HDAC4: variants seen among roughly 807,000 people sequenced by gnomAD.
HDAC4 encodes the protein histone deacetylase A.
Under a neutral mutation model 135.1 loss-of-function variants are expected in HDAC4, and 16 were observed. That is an observed-to-expected ratio of 0.12 (90% CI 0.08 to 0.18). The LOEUF is 0.18. Among genes scored for constraint, HDAC4 ranks in the 10% least tolerant of loss-of-function variants. The pLI, the probability that HDAC4 is intolerant of heterozygous loss-of-function variation, is 1.00. For missense variants in HDAC4, 1,143 were observed against 1,511.8 expected (o/e 0.76, Z 4.05); for synonymous variants, 685 against 653.4 (o/e 1.05, Z -0.74).
intron 3 of HDAC4, among the ~76,000 whole-genome samples, chr2:239,211,337 G>A (rs1261625392): frequency 6.6e-6 from 1 of 152,106 alleles, no homozygotes; most frequent in African/African-American, 2.4e-5. Flanking sequence ...GGAAAGAATT[G>A]GGCTCTGCCC....
intron 2 of HDAC4, among the ~76,000 whole-genome samples, chr2:239,269,639 G>A (rs1406751741): frequency 6.6e-6 from 1 of 152,214 alleles, no homozygotes; most frequent in Non-Finnish European, 1.5e-5. Flanking sequence ...CTGCGAGCCC[G>A]TGCGCTTTCC....
chr2:239,055,987 C>T (rs1016615254), intron 24 of HDAC4, among the ~76,000 whole-genome samples: 1 of 152,180 alleles, frequency 6.6e-6, no homozygotes, highest in South Asian at 2.1e-4. Context: ...TGGGAAGGAG[C>T]GTTTGGGTTT....
At chr2:239,214,749 A>T (rs1193075106) in intron 3 of HDAC4, among the ~76,000 whole-genome samples, 1 of 152,250 alleles carries the variant, frequency 6.6e-6, no homozygotes, top group Non-Finnish European at 1.5e-5. Flanking sequence ...TAGTAGATTT[A>T]CCAAGATTTT....
chr2:239,066,695 C>A, intron 24 of HDAC4, 27 bp downstream of exon 24: 1 of 1,613,202 alleles, frequency 6.2e-7, no homozygotes, highest in Non-Finnish European at 8.5e-7. Context: ...TGTGGAGCAT[C>A]CTGTGGGGTC....
intron 2 of HDAC4, among the ~76,000 whole-genome samples, chr2:239,289,181 GA>G (rs1450346832): frequency 6.6e-6 from 1 of 152,162 alleles, no homozygotes; most frequent in Non-Finnish European, 1.5e-5. Flanking sequence ...AAAAGAAAAT[GA>G]AACTGATCCC....
chr2:239,171,778 AG>A (rs1472073672), intron 5 of HDAC4, among the ~76,000 whole-genome samples: 17 of 152,356 alleles, frequency 1.1e-4, no homozygotes, highest in African/African-American at 4.1e-4. Flanking sequence ...TTTCCAAAGA[AG>A]GAACAATAGG....
intron 15 of HDAC4, 100 bp from the exon 16 acceptor site, chr2:239,102,996 C>T: frequency 6.9e-7 from 1 of 1,439,580 alleles, no homozygotes; most frequent in Non-Finnish European, 9.7e-7. Flanking sequence ...CAAAAGGAAA[C>T]TTAATTTGAT....
chr2:239,264,742 C>A (rs894507371), intron 2 of HDAC4, among the ~76,000 whole-genome samples: 2 of 152,206 alleles, frequency 1.3e-5, no homozygotes, highest in African/African-American at 4.8e-5. Context: ...TGGGGGGAGG[C>A]TCTTCTGAAA....
At position 239,400,796 on chromosome 2, in the gene HDAC4, G is replaced by A. The variant is rs957862101; in HGVS notation, c.-220+182C>T. On this transcript the variant is annotated intron_variant, in intron 1 of 26. Coordinates refer to ENST00000543185, the MANE Select transcript of HDAC4 (RefSeq NM_001378414.1). The surrounding 1 kb of genome is among the most constrained non-coding windows in gnomAD (Gnocchi z 4.7). ...CGGCGCGCGGGCTCGGGCTCGGGCG[G>A]CGACAGCCGGGACGCGGCCACGGCG... 4 of 145,810 alleles carry A rather than the reference G, an allele frequency of 2.7e-5. No individual in the cohort carries two copies. The highest frequency in any genetic ancestry group is 3.3e-3 in the Middle Eastern group (1 of 302). The allele number at this position is 145,810 out of a possible 1,614,324, so 9.0% of individuals were successfully genotyped here. A position where few individuals can be genotyped will look rare whatever the true frequency, so the allele number is the denominator to read the frequency against.
At chr2:239,176,642 C>A in intron 4 of HDAC4, 79 bp from the exon 5 acceptor site, 1 of 1,359,472 alleles carries the variant, frequency 7.4e-7, no homozygotes, top group Non-Finnish European at 1.0e-6. Context: ...ACCCAAGAAA[C>A]CAGCCCAGGC....
At chr2:239,111,308 C>T (rs569124748) in intron 14 of HDAC4, among the ~76,000 whole-genome samples, 6 of 152,330 alleles carry the variant, frequency 3.9e-5, no homozygotes, top group Non-Finnish European at 5.9e-5. Context: ...CAAGTGAGCC[C>T]GTGACAGGTC....
chr2:239,194,866 G>A (rs778288572), intron 3 of HDAC4, among the ~76,000 whole-genome samples: 1 of 152,230 alleles, frequency 6.6e-6, no homozygotes, highest in African/African-American at 2.4e-5. Context: ...TTTAGCGCAT[G>A]CTGGAAGGTG....
chr2:239,374,467 G>A (rs1446981237), intron 1 of HDAC4, among the ~76,000 whole-genome samples: 1 of 129,404 alleles, frequency 7.7e-6, no homozygotes, highest in African/African-American at 3.0e-5. Flanking sequence ...GCAGTGGCGG[G>A]ATCTCGGCTC....
intron 2 of HDAC4, among the ~76,000 whole-genome samples, chr2:239,280,254 G>A (rs2050626497): frequency 1.3e-5 from 2 of 152,204 alleles, no homozygotes; most frequent in South Asian, 4.1e-4. Flanking sequence ...TGGGGGCAAA[G>A]CTGATGTGCG....
At chr2:239,093,812 G>A (rs981174722) in intron 17 of HDAC4, 7 of 411,884 alleles carry the variant, frequency 1.7e-5, no homozygotes, top group Non-Finnish European at 2.0e-5. Context: ...TTGCACAGGC[G>A]TGCTGGCTGC....
chr2:239,083,809 T>C (rs1574954855), intron 20 of HDAC4, among the ~76,000 whole-genome samples: 1 of 151,760 alleles, frequency 6.6e-6, no homozygotes, highest in Admixed American at 6.6e-5. Flanking sequence ...AGGGTGAGGG[T>C]CCTCCCAGGC....
intron 2 of HDAC4, among the ~76,000 whole-genome samples, chr2:239,250,823 G>C (rs546293609): frequency 1.3e-5 from 2 of 152,338 alleles, no homozygotes; most frequent in South Asian, 4.1e-4. Flanking sequence ...ACAGTGGACT[G>C]GCTCATGGGC....
At position 239,374,335 on chromosome 2, in the gene HDAC4, C is replaced by T. The variant is rs573680992; in HGVS notation, c.-219-21417G>A. On this transcript the variant is annotated intron_variant, in intron 1 of 26. Coordinates refer to ENST00000543185, the MANE Select transcript of HDAC4 (RefSeq NM_001378414.1). Reference sequence around the variant, plus strand: ...ATGACAATGATGCCGACAATGATGACGAGGGTGACCAGGAGAGGAGGAAAC... The same window carrying T: ...ATGACAATGATGCCGACAATGATGATGAGGGTGACCAGGAGAGGAGGAAAC... Among the ~76,000 whole-genome samples, 8 of 144,144 alleles carry T rather than the reference C, an allele frequency of 5.6e-5. 1 individual carries two copies. The South Asian group carries it at 1.6e-3, about 28-fold the overall frequency. 94.6% of individuals were successfully genotyped at this position (144,144 alleles called of 152,430 possible). A position where few individuals can be genotyped will look rare whatever the true frequency, so the allele number is the denominator to read the frequency against.
At chr2:239,088,870 A>G (rs1480633214) in intron 18 of HDAC4, among the ~76,000 whole-genome samples, 1 of 152,184 alleles carries the variant, frequency 6.6e-6, no homozygotes, top group East Asian at 1.9e-4. Flanking sequence ...GGTGATATTA[A>G]TGGTTTCAAA....
Sources: gnomAD v4.1 joint callset for allele counts (sites outside exome capture counted in the v4.1 genomes callset) on GRCh38, gnomAD v4.1.1 for gene constraint, Gnocchi (gnomAD v3.1) non-coding constraint, MANE v1.5 for transcripts, NCBI Gene and HGNC (gene_info 2026-07-23, HGNC 2026-07-21) for gene names.